The following ANK3 variants were observed in gnomAD, a reference collection of about 807,000 sequenced individuals.
ANK3 encodes the protein ankyrin 3, also known as ankyrin-3.
ANK3 carries 57 observed loss-of-function variants against 370.9 expected under a neutral mutation model. The ratio of observed to expected loss-of-function variants is 0.15; its 90% CI spans 0.12 to 0.19. The LOEUF is 0.19. Ranked by LOEUF, ANK3 falls within the 10% of genes least tolerant of loss-of-function variation. ANK3 has a pLI of 1.00. For missense variants in ANK3, 4,439 were observed against 5,302.1 expected, an observed-to-expected ratio of 0.84 and a Z score of 5.06; for synonymous variants, 1,929 against 1,946.3, an observed-to-expected ratio of 0.99 and a Z score of 0.23.
Position 60,279,638 on chromosome 10 carries a change from G to C in ANK3, c.116C>G (p.Ser39Cys). ...TCTTAAGTAACTTGCATTGGCATCA[G>C]ACTAAAATAAAAAAGAAACACATTT... is the stretch of plus-strand genomic sequence containing the variant. ...RKRSRDRKKK[S>C]DANASYLRAA... Residue 39 changes from serine (S) to cysteine (C), a missense_variant and splice_region_variant, in exon 2 of 44, where the codon TCT becomes TGT. This residue lies in a region of ANK3 where 54 missense variants were observed against 52.7 expected (regional missense o/e 1.02). Transcript: ENST00000280772. 6.2e-7 allele frequency: 1 copy of C among 1,607,874 alleles called. No individual in the cohort carries two copies. Among genetic ancestry groups the C allele is most frequent in the Non-Finnish European group, 8.5e-7 (1 of 1,177,880 alleles).
intron 2 of ANK3, among the ~76,000 whole-genome samples, chr10:60,509,736 T>A (rs776836573): frequency 3.5e-4 from 53 of 152,150 alleles, no homozygotes; most frequent in Non-Finnish European, 7.1e-4. Context: ...CTATTAACAA[T>A]CAGTCTTTGG....
chr10:60,462,184 A>C (rs1273091856), intron 2 of ANK3, among the ~76,000 whole-genome samples: 1 of 150,266 alleles, frequency 6.7e-6, no homozygotes, highest in African/African-American at 2.5e-5. Context: ...CAAAGTTAAA[A>C]AAACAAACAA....
chr10:60,132,210 T>C (rs1049061568), intron 25 of ANK3, among the ~76,000 whole-genome samples: 2 of 152,206 alleles, frequency 1.3e-5, no homozygotes, highest in African/African-American at 4.8e-5. Flanking sequence ...GTGCTTTCTC[T>C]AGTGCTAATA....
At chr10:60,187,317 G>A (rs1214931623) in intron 16 of ANK3, among the ~76,000 whole-genome samples, 8 of 151,642 alleles carry the variant, frequency 5.3e-5, no homozygotes, top group Non-Finnish European at 1.2e-4. Flanking sequence ...CACCATGCCC[G>A]GCTAATTTTT....
chr10:60,418,532 C>T (rs374168978), intron 2 of ANK3, among the ~76,000 whole-genome samples: 1 of 152,058 alleles, frequency 6.6e-6, no homozygotes, highest in African/African-American at 2.4e-5. Flanking sequence ...AGCACCCAAA[C>T]TGTGGATAAT....
chr10:60,036,422 A>ATTTTTTTTT (rs563946588), intron 43 of ANK3, among the ~76,000 whole-genome samples: 750 of 72,246 alleles, frequency 0.01, 142 homozygotes, highest in African/African-American at 0.017. Flanking sequence ...GTCAGAGGCA[A>ATTTTTTTTT]TTTTTTTTTT....
chr10:60,124,540 T>C (rs571401755), intron 25 of ANK3, among the ~76,000 whole-genome samples: 2 of 152,358 alleles, frequency 1.3e-5, no homozygotes, highest in Non-Finnish European at 1.5e-5. Flanking sequence ...TGCATCCCTC[T>C]ATGTAGATAT....
chr10:60,027,981 A>AACTT lies in ANK3; in HGVS notation c.*1861_*1864dup, dbSNP rs1214897237. The AACTT allele has an allele frequency of 6.6e-6, 1 of 152,210 alleles. No individual in the cohort carries two copies. Among genetic ancestry groups the AACTT allele is most frequent in the Non-Finnish European group, 1.5e-5 (1 of 68,028 alleles). 9.4% of individuals were successfully genotyped at this position (152,210 alleles called of 1,614,324 possible). On this transcript the variant is annotated 3_prime_UTR_variant, in exon 44 of 44. Transcript: ENST00000280772. Reference sequence around the variant, plus strand: ...ATCTTGCTTTTTAAGAGATGTTAGCAACTTAATTATGTGAAATGTCCCAAC... The same window carrying AACTT: ...ATCTTGCTTTTTAAGAGATGTTAGCAACTTACTTAATTATGTGAAATGTCCCAAC...
At chr10:60,478,984 A>G (rs537643934) in intron 2 of ANK3, among the ~76,000 whole-genome samples, 23 of 152,212 alleles carry the variant, frequency 1.5e-4, no homozygotes, top group African/African-American at 5.3e-4. Flanking sequence ...ATATTTTTCA[A>G]AGAAAAGGCA....
chr10:60,718,588 A>C (rs2079821276), intron 1 of ANK3, among the ~76,000 whole-genome samples: 1 of 152,164 alleles, frequency 6.6e-6, no homozygotes, highest in African/African-American at 2.4e-5. Context: ...CCAACATCTC[A>C]ACAAAAACTA....
At chr10:60,482,217 T>C (rs2133103460) in intron 2 of ANK3, among the ~76,000 whole-genome samples, 1 of 152,260 alleles carries the variant, frequency 6.6e-6, no homozygotes, top group Middle Eastern at 3.4e-3. Context: ...TGCCCAACAA[T>C]AATCACAGGG....
At position 60,166,916 on chromosome 10, in the gene ANK3, C is replaced by A. The variant is rs750557784; in HGVS notation, c.2479-20G>T. On this transcript the variant is annotated intron_variant, in intron 21 of 43. Transcript: ENST00000280772. Reference sequence around the variant, plus strand: ...GACAGTCTAGTAACAAAAAAGCAGTCATTTTAGTGTGAGCAGACTGTACAT... The same window carrying A: ...GACAGTCTAGTAACAAAAAAGCAGTAATTTTAGTGTGAGCAGACTGTACAT... 1 of 1,608,026 alleles carries A rather than the reference C, an allele frequency of 6.2e-7. No homozygotes were observed. The highest frequency in any genetic ancestry group is 1.1e-5 in the South Asian group (1 of 90,906).
At chr10:60,607,394 A>G (rs1005717807) in intron 2 of ANK3, among the ~76,000 whole-genome samples, 2 of 152,078 alleles carry the variant, frequency 1.3e-5, no homozygotes, top group Non-Finnish European at 2.9e-5. Context: ...CTTACACCAC[A>G]TACTGCCTCC....
At chr10:60,179,347 C>T (rs117064927) in intron 18 of ANK3, among the ~76,000 whole-genome samples, 1,564 of 152,262 alleles carry the variant, frequency 0.01, 10 homozygotes, top group Non-Finnish European at 0.016. Flanking sequence ...CGCTCTGCTC[C>T]GTTTGTAAAG....
chr10:60,363,084 G>A (rs930991036), intron 1 of ANK3, among the ~76,000 whole-genome samples: 4 of 147,758 alleles, frequency 2.7e-5, no homozygotes, highest in Admixed American at 1.3e-4. Flanking sequence ...GCGGGCGGGC[G>A]GGGGAGGGGG....
At chr10:60,496,143 A>G (rs2075650917) in intron 2 of ANK3, among the ~76,000 whole-genome samples, 1 of 152,214 alleles carries the variant, frequency 6.6e-6, no homozygotes, top group Non-Finnish European at 1.5e-5. Context: ...TGAGTAATTT[A>G]TGATTTAGAT....
chr10:60,582,826 C>G (rs577671160), intron 2 of ANK3, among the ~76,000 whole-genome samples: 5 of 151,864 alleles, frequency 3.3e-5, no homozygotes, highest in African/African-American at 1.2e-4. Flanking sequence ...TGATCTTATC[C>G]CCTCACTCCA....
intron 43 of ANK3, among the ~76,000 whole-genome samples, chr10:60,034,006 T>TCCTGTAATCAAGTTCCAG (rs145923215): frequency 0.021 from 3,188 of 152,268 alleles, 104 homozygotes; most frequent in African/African-American, 0.068. Context: ...TTCTCAAAGT[T>TCCTGTAATCAAGTTCCAG]TAATCTGCAT....
At chr10:60,406,887 T>G (rs1443500054) in intron 2 of ANK3, among the ~76,000 whole-genome samples, 1 of 152,210 alleles carries the variant, frequency 6.6e-6, no homozygotes, top group East Asian at 1.9e-4. Flanking sequence ...ATTCACCATT[T>G]TTTGCCACCA....
Sources: allele counts gnomAD v4.1 joint callset (sites outside exome capture counted in the v4.1 genomes callset), GRCh38; gene constraint gnomAD v4.1.1; regional missense constraint gnomAD v4.1.1; transcripts MANE v1.5; gene names NCBI Gene and HGNC (gene_info 2026-07-23, HGNC 2026-07-21).